The following C1GALT1 variants were observed in gnomAD, a reference collection of about 807,000 sequenced individuals.
The protein encoded by C1GALT1 is glycoprotein-N-acetylgalactosamine 3-beta-galactosyltransferase 1.
Under a neutral mutation model 31.0 loss-of-function variants are expected in C1GALT1, and 11 were observed. That is an observed-to-expected ratio of 0.36 (90% confidence interval 0.22 to 0.59). C1GALT1 has a LOEUF of 0.59. Ranked by LOEUF, C1GALT1 falls within the 20% of genes least tolerant of loss-of-function variation. C1GALT1 has a pLI of 0.79. For synonymous variants in C1GALT1, 175 were observed against 143.6 expected (o/e 1.22, Z -1.56); for missense variants, 424 against 425.2 (o/e 1.00, Z 0.03).
chr7:7,185,045 G>T (rs931532968), intron 1 of C1GALT1, among the ~76,000 whole-genome samples: 1 of 152,056 alleles, frequency 6.6e-6, no homozygotes, highest in Admixed American at 6.5e-5. Flanking sequence ...AATGTCCAAG[G>T]GGAATATATA....
Position 7,234,309 on chromosome 7 carries a change from A to G in C1GALT1, c.-11A>G, listed in dbSNP as rs919474600. On this transcript the variant is annotated 5_prime_UTR_variant, in exon 2 of 4. Transcript: ENST00000436587. ...CTAATTTTTGTTCTTACAGAAATACACTTTCGGGAAATGGCCTCTAAATCC... is the reference window on the plus strand; with the variant it reads ...CTAATTTTTGTTCTTACAGAAATACGCTTTCGGGAAATGGCCTCTAAATCC... 3.1e-6 allele frequency: 5 copies of G among 1,610,848 alleles called. No individual in the cohort carries two copies. The Admixed American group carries it at 5.0e-5, about 16-fold the overall frequency.
At chr7:7,243,037 T>A (rs1435235404) in intron 3 of C1GALT1, among the ~76,000 whole-genome samples, 5 of 152,086 alleles carry the variant, frequency 3.3e-5, no homozygotes, top group African/African-American at 1.2e-4. Context: ...ACTGTACTGT[T>A]TGGGTTGATA....
chr7:7,188,366 G>T (rs1276462576), intron 1 of C1GALT1, among the ~76,000 whole-genome samples: 1 of 152,156 alleles, frequency 6.6e-6, no homozygotes, highest in African/African-American at 2.4e-5. Context: ...CTATGGTCCA[G>T]GTGGAAGTAT....
chr7:7,225,940 G>A (rs7783300), intron 1 of C1GALT1, among the ~76,000 whole-genome samples: 1,766 of 152,204 alleles, frequency 0.012, 38 homozygotes, highest in African/African-American at 0.04. Flanking sequence ...AGTGGTGTGT[G>A]GAAAAACTAG....
chr7:7,169,974 A>C (rs1583729434), intron 2 of C1GALT1, among the ~76,000 whole-genome samples: 1 of 152,306 alleles, frequency 6.6e-6, no homozygotes, highest in East Asian at 1.9e-4. Context: ...CAGTGAAGCT[A>C]TCTGGTCCTG....
At chr7:7,199,570 T>C (rs1230089847) in intron 1 of C1GALT1, among the ~76,000 whole-genome samples, 1 of 151,252 alleles carries the variant, frequency 6.6e-6, no homozygotes, top group East Asian at 2.0e-4. Flanking sequence ...GGTGCAGAGC[T>C]GAGTTCAATT....
At chr7:7,226,789 G>C (rs1199828179) in intron 1 of C1GALT1, among the ~76,000 whole-genome samples, 1 of 152,124 alleles carries the variant, frequency 6.6e-6, no homozygotes, top group Non-Finnish European at 1.5e-5. Context: ...GTTGAGCATG[G>C]AATCTAGTTT....
intron 1 of C1GALT1, among the ~76,000 whole-genome samples, chr7:7,208,318 C>T (rs10447684): frequency 0.14 from 21,436 of 151,936 alleles, 1,899 homozygotes; most frequent in Middle Eastern, 0.27. Flanking sequence ...TATTTAATAT[C>T]TTATTGTGCC....
At chr7:7,218,516 A>C (rs1210331991) in intron 1 of C1GALT1, among the ~76,000 whole-genome samples, 3 of 152,180 alleles carry the variant, frequency 2.0e-5, no homozygotes, top group African/African-American at 7.2e-5. Flanking sequence ...AGCAACGTAG[A>C]GATATTAGAT....
At chr7:7,206,723 C>T (rs750062115) in intron 1 of C1GALT1, among the ~76,000 whole-genome samples, 2 of 148,838 alleles carry the variant, frequency 1.3e-5, no homozygotes, top group Middle Eastern at 7.1e-3. Context: ...TTTTAAAGGA[C>T]GGTTTTTGTG....
intron 2 of C1GALT1, among the ~76,000 whole-genome samples, chr7:7,166,728 T>A (rs115626674): frequency 0.02 from 3,080 of 152,296 alleles, 102 homozygotes; most frequent in African/African-American, 0.07. Context: ...CTACATTTTT[T>A]AAAAATCAGT....
At chr7:7,162,286 C>T (rs1258459911) in intron 2 of C1GALT1, among the ~76,000 whole-genome samples, 1 of 115,136 alleles carries the variant, frequency 8.7e-6, no homozygotes, top group Non-Finnish European at 1.7e-5. Context: ...CCACAACAGT[C>T]CCCAGAGTGT....
chr7:7,237,756 C>T (rs1783431569), intron 2 of C1GALT1, among the ~76,000 whole-genome samples: 2 of 152,174 alleles, frequency 1.3e-5, no homozygotes, highest in Non-Finnish European at 2.9e-5. Context: ...ACTTCAGCAG[C>T]ATGTCTTTCC....
chr7:7,177,431 C>T (rs1278754442), intron 2 of C1GALT1, among the ~76,000 whole-genome samples: 3 of 152,092 alleles, frequency 2.0e-5, no homozygotes, highest in African/African-American at 7.2e-5. Context: ...CTCATAAACT[C>T]AAATAACCGG....
At chr7:7,211,671 A>C (rs141160606) in intron 1 of C1GALT1, among the ~76,000 whole-genome samples, 3 of 152,248 alleles carry the variant, frequency 2.0e-5, no homozygotes, top group Non-Finnish European at 2.9e-5. Flanking sequence ...TTGGTGGTCT[A>C]TGAAGCTTTG....
At chr7:7,197,807 G>A (rs1281252171) in intron 1 of C1GALT1, among the ~76,000 whole-genome samples, 1 of 152,138 alleles carries the variant, frequency 6.6e-6, no homozygotes, top group South Asian at 2.1e-4. Context: ...TGAAGCAGTC[G>A]TGAATGGGAG....
chr7:7,227,891 CGTAACT>C (rs1170008967), intron 1 of C1GALT1, among the ~76,000 whole-genome samples: 2 of 152,120 alleles, frequency 1.3e-5, no homozygotes, highest in African/African-American at 2.4e-5. Flanking sequence ...TTCTAGCCTC[CGTAACT>C]GTAAGAAATA....
At chr7:7,205,773 C>A (rs1432360776) in intron 1 of C1GALT1, among the ~76,000 whole-genome samples, 1 of 151,912 alleles carries the variant, frequency 6.6e-6, no homozygotes, top group African/African-American at 2.4e-5. Flanking sequence ...TTTTTTCATG[C>A]CTTCACTTTC....
At chr7:7,230,931 A>G (rs1320716586) in intron 1 of C1GALT1, among the ~76,000 whole-genome samples, 2 of 152,114 alleles carry the variant, frequency 1.3e-5, no homozygotes, top group East Asian at 1.9e-4. Flanking sequence ...ATTATAGCCA[A>G]TATTTATTTG....
Sources: gnomAD v4.1 joint callset for allele counts (sites outside exome capture counted in the v4.1 genomes callset) on GRCh38, gnomAD v4.1.1 for gene constraint, MANE v1.5 for transcripts, NCBI Gene and HGNC (gene_info 2026-07-23, HGNC 2026-07-21) for gene names.